MATCAP2: variants seen among roughly 807,000 people sequenced by gnomAD.
MATCAP2 encodes the protein putative tyrosine carboxypeptidase MATCAP2.
chr7:36,364,102 T>G, the MATCAP2 span, among the ~76,000 whole-genome samples: 1 of 150,860 alleles, frequency 6.6e-6, no homozygotes, highest in Non-Finnish European at 1.5e-5. Flanking sequence ...TTTTTTTTTT[T>G]TTTGTGACAG....
At chr7:36,360,098 C>T in the MATCAP2 span, among the ~76,000 whole-genome samples, 3 of 152,152 alleles carry the variant, frequency 2.0e-5, no homozygotes, top group African/African-American at 7.2e-5. Flanking sequence ...AATAAGACTA[C>T]TCTGAAGAAT....
the MATCAP2 span, chr7:36,334,013 TA>T: frequency 6.2e-7 from 1 of 1,613,956 alleles, no homozygotes; most frequent in Non-Finnish European, 8.5e-7. Context: ...CAGCCCTCCA[TA>T]AAAAAGGGTC....
the MATCAP2 span, among the ~76,000 whole-genome samples, chr7:36,347,074 GA>G: frequency 6.6e-6 from 1 of 152,112 alleles, no homozygotes; most frequent in South Asian, 2.1e-4. Flanking sequence ...TATTGCTTAT[GA>G]TTTTTTTTAG....
the MATCAP2 span, chr7:36,357,365 C>T: frequency 6.2e-7 from 1 of 1,613,922 alleles, no homozygotes; most frequent in Non-Finnish European, 8.5e-7. Flanking sequence ...GCTGGGTTTT[C>T]TACATCTTTT....
chr7:36,341,513 C>T, the MATCAP2 span, among the ~76,000 whole-genome samples: 1 of 152,138 alleles, frequency 6.6e-6, no homozygotes, highest in Admixed American at 6.5e-5. Flanking sequence ...GAAATCCTAA[C>T]CCCCAAGGTG....
the MATCAP2 span, among the ~76,000 whole-genome samples, chr7:36,368,758 C>T: frequency 2.6e-5 from 4 of 152,178 alleles, no homozygotes; most frequent in African/African-American, 4.8e-5. Context: ...ACTTCCTCCC[C>T]GATGGATACA....
At chr7:36,328,955 AT>A in the MATCAP2 span, among the ~76,000 whole-genome samples, 1 of 151,974 alleles carries the variant, frequency 6.6e-6, no homozygotes, top group Non-Finnish European at 1.5e-5. Flanking sequence ...AGGCAGGAGA[AT>A]TGCTTGAACC....
At chr7:36,367,406 GC>G in the MATCAP2 span, 928,371 of 928,382 alleles carry the variant, frequency 1, 464,180 homozygotes, top group Middle Eastern at 1. Flanking sequence ...GCCCGCGAGC[GC>G]GCTGGGGTCT....
chr7:36,364,372 A>G, the MATCAP2 span, among the ~76,000 whole-genome samples: 1 of 152,162 alleles, frequency 6.6e-6, no homozygotes, highest in Non-Finnish European at 1.5e-5. Context: ...TACAAGTGTG[A>G]GCCACTGCAC....
the MATCAP2 span, among the ~76,000 whole-genome samples, chr7:36,366,198 T>A: frequency 6.6e-6 from 1 of 152,172 alleles, no homozygotes; most frequent in Non-Finnish European, 1.5e-5. Flanking sequence ...CTTGCAGAAA[T>A]GTTTGCGTAC....
At chr7:36,357,112 A>AGGCTTT in the MATCAP2 span, 1 of 1,614,206 alleles carries the variant, frequency 6.2e-7, no homozygotes, top group Non-Finnish European at 8.5e-7. Flanking sequence ...TAGACAGCTG[A>AGGCTTT]GGCTTTGGCT....
the MATCAP2 span, among the ~76,000 whole-genome samples, chr7:36,376,510 A>G: frequency 2.0e-5 from 3 of 152,194 alleles, no homozygotes; most frequent in South Asian, 4.1e-4. Flanking sequence ...TTTACTTCCA[A>G]CTGTGTCGTC....
At chr7:36,367,632 G>C in the MATCAP2 span, among the ~76,000 whole-genome samples, 6 of 152,224 alleles carry the variant, frequency 3.9e-5, no homozygotes, top group African/African-American at 1.4e-4. Context: ...ATGACCACTT[G>C]ACGGTACCTC....
the MATCAP2 span, among the ~76,000 whole-genome samples, chr7:36,361,189 C>T: frequency 1.4e-4 from 22 of 152,170 alleles, no homozygotes; most frequent in African/African-American, 5.1e-4. Context: ...TTCCTGACAT[C>T]CATTCCCAGC....
the MATCAP2 span, among the ~76,000 whole-genome samples, chr7:36,350,531 CCTTTTTT>C: frequency 1.0e-4 from 9 of 87,930 alleles, no homozygotes; most frequent in South Asian, 3.8e-4. Context: ...GGACTGTGTT[CCTTTTTT>C]TTTTTTTTTT....
the MATCAP2 span, chr7:36,357,643 A>C: frequency 3.0e-6 from 4 of 1,330,992 alleles, no homozygotes; most frequent in Non-Finnish European, 4.2e-6. Context: ...TACCAGATGA[A>C]GCAAACTGTT....
the MATCAP2 span, chr7:36,330,979 C>T: frequency 6.3e-6 from 10 of 1,591,080 alleles, no homozygotes; most frequent in Non-Finnish European, 8.6e-6. Context: ...GGCTTCTACT[C>T]ACCTTCCCGA....
the MATCAP2 span, among the ~76,000 whole-genome samples, chr7:36,354,480 A>T: frequency 3.0e-4 from 45 of 152,200 alleles, no homozygotes; most frequent in African/African-American, 1.0e-3. Flanking sequence ...AGAGACTGTC[A>T]GCTGTGGATT....
At chr7:36,374,186 C>T in the MATCAP2 span, among the ~76,000 whole-genome samples, 1 of 152,236 alleles carries the variant, frequency 6.6e-6, no homozygotes, top group African/African-American at 2.4e-5. Flanking sequence ...TGAAGTGATC[C>T]TCCCACCTCA....
Sources: allele counts gnomAD v4.1 joint callset (sites outside exome capture counted in the v4.1 genomes callset), GRCh38; gene constraint gnomAD v4.1.1; transcripts MANE v1.5; gene names NCBI Gene and HGNC (gene_info 2026-07-23, HGNC 2026-07-21).